SIPA1L1: variants seen among roughly 807,000 people sequenced by gnomAD.
SIPA1L1 encodes signal induced proliferation associated 1 like 1, also known as signal-induced proliferation-associated 1-like protein 1.
Under a neutral mutation model 162.7 loss-of-function variants are expected in SIPA1L1, and 26 were observed. That is an observed-to-expected ratio of 0.16 (90% confidence interval 0.12 to 0.22). The LOEUF is 0.22. Among genes scored for constraint, SIPA1L1 ranks in the 10% least tolerant of loss-of-function variants. The probability of loss-of-function intolerance (pLI) is 1.00; values close to 1 mark genes in which losing one functional copy is unlikely to be tolerated. For synonymous variants in SIPA1L1, 829 were observed against 837.4 expected, an observed-to-expected ratio of 0.99 and a Z score of 0.17; for missense variants, 1,874 against 2,241.0, an observed-to-expected ratio of 0.84 and a Z score of 3.31.
chr14:71,707,120 GAC>G (rs1030482164), intron 16 of SIPA1L1, among the ~76,000 whole-genome samples: 9 of 149,776 alleles, frequency 6.0e-5, no homozygotes, highest in African/African-American at 1.5e-4. Context: ...TCTACCAAAA[GAC>G]ACACACACGC....
At position 71,529,382 on chromosome 14, in the gene SIPA1L1, G is replaced by T; in HGVS notation, c.-303+12G>T. The T allele has an allele frequency of 1.5e-6, 1 of 658,494 alleles. No homozygotes were observed. Among genetic ancestry groups the T allele is most frequent in the Non-Finnish European group, 2.8e-6 (1 of 360,534 alleles). 40.8% of individuals were successfully genotyped at this position (658,494 alleles called of 1,614,324 possible). ...GGCACAAGAATATAGTAAGTACTAT[G>T]CCATACTTCCTATGACCTACCTGCT... On this transcript the variant is annotated intron_variant, in intron 4 of 23. Coordinates refer to ENST00000381232, the MANE Select transcript of SIPA1L1 (RefSeq NM_001386936.1).
chr14:71,409,402 G>A (rs950458879), intron 2 of SIPA1L1, among the ~76,000 whole-genome samples: 1 of 152,074 alleles, frequency 6.6e-6, no homozygotes, highest in Non-Finnish European at 1.5e-5. Context: ...GGCTCTTTCT[G>A]ATACAGGATC....
chr14:71,568,308 C>T (rs2031188389), intron 4 of SIPA1L1, among the ~76,000 whole-genome samples: 1 of 152,058 alleles, frequency 6.6e-6, no homozygotes, highest in South Asian at 2.1e-4. Context: ...AAAAATCCAT[C>T]TTTTGTAACT....
chr14:71,459,120 A>G (rs934093739), intron 2 of SIPA1L1, among the ~76,000 whole-genome samples: 21 of 151,860 alleles, frequency 1.4e-4, no homozygotes, highest in African/African-American at 5.1e-4. Context: ...GTTGATACAC[A>G]TTTTAGGAAG....
chr14:71,326,211 C>CTT (rs964178060), intron 2 of SIPA1L1, among the ~76,000 whole-genome samples: 4 of 142,386 alleles, frequency 2.8e-5, no homozygotes, highest in South Asian at 2.2e-4. Context: ...CGACTTGCTT[C>CTT]TTTTTTTTTT....
intron 3 of SIPA1L1, among the ~76,000 whole-genome samples, chr14:71,516,351 T>C (rs1022445004): frequency 1.3e-5 from 2 of 152,156 alleles, no homozygotes; most frequent in African/African-American, 4.8e-5. Flanking sequence ...CAATCTCACC[T>C]GTCCCTGTAG....
At chr14:71,684,913 G>A (rs1331907552) in intron 12 of SIPA1L1, among the ~76,000 whole-genome samples, 4 of 151,228 alleles carry the variant, frequency 2.6e-5, no homozygotes, top group Admixed American at 1.3e-4. Context: ...GCCCAGTCAC[G>A]ATGTGCAGTG....
rs773783776 is a variant in SIPA1L1, at chr14:71,589,169, A to G, written c.1297A>G (p.Lys433Glu). 3 of 1,614,114 alleles carry G rather than the reference A, an allele frequency of 1.9e-6. No individual in the cohort carries two copies. The highest frequency in any genetic ancestry group is 4.5e-5 in the East Asian group (2 of 44,866). The stretch of plus-strand genomic sequence containing the variant: ...AGGGGAGAGGAAAATCAGCCTTTCA[A>G]AATCAAATTCTGGCTCCTTTAGTGG... ...GEGERKISLS[K>E]SNSGSFSGCE... is the part of the protein sequence containing the mutation. Residue 433 changes from lysine to glutamate, a missense_variant, in exon 5 of 24, where the codon AAA (lysine) becomes GAA (glutamate). Physicochemically the swap from Lys to Glu is moderately conservative, Grantham distance 56. Transcript: ENST00000381232.
At chr14:71,507,548 G>A (rs2050775488) in intron 2 of SIPA1L1, among the ~76,000 whole-genome samples, 1 of 152,124 alleles carries the variant, frequency 6.6e-6, no homozygotes, top group Non-Finnish European at 1.5e-5. Flanking sequence ...TGGCTGGAGT[G>A]TCACAACTGA....
At chr14:71,592,945 A>G (rs2035585137) in intron 5 of SIPA1L1, among the ~76,000 whole-genome samples, 1 of 152,082 alleles carries the variant, frequency 6.6e-6, no homozygotes, top group South Asian at 2.1e-4. Context: ...TAGTGAGTGT[A>G]TGTTTATATT....
intron 2 of SIPA1L1, among the ~76,000 whole-genome samples, chr14:71,509,764 A>G (rs1296706974): frequency 2.0e-5 from 3 of 151,526 alleles, no homozygotes; most frequent in African/African-American, 4.8e-5. Flanking sequence ...AAAAAGAAAG[A>G]AAAAAGAAAG....
chr14:71,601,277 T>C (rs1596351290), intron 5 of SIPA1L1, among the ~76,000 whole-genome samples: 1 of 152,182 alleles, frequency 6.6e-6, no homozygotes, highest in Non-Finnish European at 1.5e-5. Context: ...CTTCTATGCC[T>C]AGTTTGTTGA....
chr14:71,579,902 C>T (rs889908953), intron 4 of SIPA1L1, among the ~76,000 whole-genome samples: 2 of 152,154 alleles, frequency 1.3e-5, no homozygotes, highest in Admixed American at 1.3e-4. Flanking sequence ...TCCTACTGAG[C>T]CCCTTCCCGT....
intron 4 of SIPA1L1, among the ~76,000 whole-genome samples, chr14:71,573,009 T>C (rs2032364941): frequency 6.6e-6 from 1 of 152,236 alleles, no homozygotes; most frequent in African/African-American, 2.4e-5. Context: ...CAACATTTAC[T>C]ACGTAAGATT....
chr14:71,693,259 C>T (rs183099183), intron 13 of SIPA1L1, among the ~76,000 whole-genome samples: 39 of 152,258 alleles, frequency 2.6e-4, no homozygotes, highest in Admixed American at 4.6e-4. Flanking sequence ...GTAATCCCTG[C>T]CCTTGGGGAG....
intron 3 of SIPA1L1, among the ~76,000 whole-genome samples, chr14:71,520,753 T>C (rs2052252174): frequency 6.6e-6 from 1 of 152,112 alleles, no homozygotes; most frequent in Non-Finnish European, 1.5e-5. Flanking sequence ...TTTTCTTTCC[T>C]TATTATTATT....
chr14:71,569,613 A>G (rs113552993), intron 4 of SIPA1L1, among the ~76,000 whole-genome samples: 13 of 152,212 alleles, frequency 8.5e-5, no homozygotes, highest in African/African-American at 3.1e-4. Context: ...TGATTTAAGA[A>G]GGAATGGAAT....
intron 4 of SIPA1L1, among the ~76,000 whole-genome samples, chr14:71,532,041 TTTTAC>T (rs1293663008): frequency 2.0e-5 from 3 of 152,156 alleles, no homozygotes; most frequent in African/African-American, 7.2e-5. Flanking sequence ...TGGGTGCCAT[TTTTAC>T]TTAAATGTTT....
chr14:71,520,593 C>CT (rs112605594), intron 3 of SIPA1L1, among the ~76,000 whole-genome samples: 2,723 of 152,140 alleles, frequency 0.018, 32 homozygotes, highest in African/African-American at 0.026. Context: ...TGGTGTTGAA[C>CT]TTTCTGTAAA....
Sources: allele counts gnomAD v4.1 joint callset (sites outside exome capture counted in the v4.1 genomes callset), GRCh38; gene constraint gnomAD v4.1.1; transcripts MANE v1.5; gene names NCBI Gene and HGNC (gene_info 2026-07-23, HGNC 2026-07-21).